Variants in ICAM3 observed in about 807,000 individuals in gnomAD.
The protein encoded by ICAM3 is intercellular adhesion molecule 3, also known as ICAM-3.
Under a neutral mutation model 43.6 loss-of-function variants are expected in ICAM3, and 54 were observed. The observed-to-expected ratio is 1.24, with a 90% CI of 0.99 to 1.55. The LOEUF (loss-of-function observed/expected upper bound fraction) is 1.55. Among genes scored for constraint, ICAM3 ranks in the 40% most tolerant of loss-of-function variants. The probability of loss-of-function intolerance (pLI) is 0.00; values close to 1 mark genes in which losing one functional copy is unlikely to be tolerated. For missense variants in ICAM3, 715 were observed against 717.9 expected (o/e 1.00, Z 0.05); for synonymous variants, 306 against 312.6 (o/e 0.98, Z 0.22).
Position 10,334,972 on chromosome 19 carries a change from G to C in ICAM3, c.937+94C>G, listed in dbSNP as rs1175271255. The C allele has an allele frequency of 1.1e-5, 17 of 1,516,372 alleles. No individual in the cohort carries two copies. The highest frequency in any genetic ancestry group is 1.2e-5 in the Non-Finnish European group (14 of 1,123,546). 93.9% of individuals were successfully genotyped at this position (1,516,372 alleles called of 1,614,324 possible). A position where few individuals can be genotyped will look rare whatever the true frequency, so the allele number is the denominator to read the frequency against. On this transcript the variant is annotated intron_variant, in intron 4 of 6. Coordinates refer to ENST00000160262, the MANE Select transcript of ICAM3 (RefSeq NM_002162.5). This position sits in a 1 kb window ranked among gnomAD's most constrained non-coding sequence, Gnocchi z 5.5. ...AACCCACGTTGCAACTGCTATTGGG[G>C]CAAGCCAGGCCCCACCTTTTCGGCT...
Position 10,335,327 on chromosome 19 carries a change from C to T in ICAM3, c.676G>A (p.Val226Met), listed in dbSNP as rs759958203. ...FVLPVTPPRL[V>M]APRFLEVETS... ...TCCACCTCCAAGAACCGGGGGGCCA[C>T]GAGGCGCGGGGGGGTCACGGGCAGG... The change falls in exon 4 of 7, where the codon GTG (valine) becomes ATG (methionine). Residue 226 changes from valine to methionine, a missense_variant. Transcript: ENST00000160262. The T allele has an allele frequency of 6.2e-6, 10 of 1,610,402 alleles. No homozygotes were observed. Among genetic ancestry groups the T allele is most frequent in the Non-Finnish European group, 8.5e-6 (10 of 1,179,558 alleles).
At chr19:10,336,078 G>A (rs978040550) in intron 2 of ICAM3, 102 bp from the exon 3 acceptor site, 5 of 1,092,974 alleles carry the variant, frequency 4.6e-6, no homozygotes, top group Non-Finnish European at 6.4e-6. Context: ...AGAACTGTGA[G>A]CTTTGAGTTA....
intron 2 of ICAM3, among the ~76,000 whole-genome samples, chr19:10,338,171 A>C (rs2145102881): frequency 6.6e-6 from 1 of 151,598 alleles, no homozygotes; most frequent in South Asian, 2.1e-4. Context: ...TGGGAGGCTG[A>C]GGTGGGCGGA....
intron 3 of ICAM3, 122 bp from the exon 4 acceptor site, chr19:10,335,475 G>A (rs1162908887): frequency 8.8e-7 from 1 of 1,138,058 alleles, no homozygotes; most frequent in Non-Finnish European, 1.2e-6. Context: ...CACACACACA[G>A]GGCCATGAAA....
rs2145092270 is a variant in ICAM3, at chr19:10,334,197, T to A, written c.1404A>T (p.Arg468=). The A allele has an allele frequency of 1.2e-6, 2 of 1,613,890 alleles. No individual in the cohort carries two copies. Among genetic ancestry groups the A allele is most frequent in the East Asian group, 4.5e-5 (2 of 44,868 alleles). ...GTYQCQASSS[R]GKYTLVVVMD... is the part of the protein sequence containing the mutation. ...TCACCACGACCAGGGTGTATTTGCC[T>A]CGTGAGCTGGACGCTTGGCACTGAT... The change falls in exon 6 of 7, where the codon CGA becomes CGT. Residue 468 remains arginine (R), a synonymous_variant. Coordinates refer to ENST00000160262, the MANE Select transcript of ICAM3 (RefSeq NM_002162.5). This position sits in a 1 kb window ranked among gnomAD's most constrained non-coding sequence, Gnocchi z 5.5.
At chr19:10,335,383 C>T in intron 3 of ICAM3, 30 bp from the exon 4 acceptor site, 2 of 1,544,552 alleles carry the variant, frequency 1.3e-6, no homozygotes, top group Non-Finnish European at 1.7e-6. Flanking sequence ...TAGTACAACC[C>T]CCAGGACTGT....
rs555338933 is a variant in ICAM3 at position 10,335,816 on chromosome 19, C to A, written c.504G>T (p.Glu168Asp). The A allele has an allele frequency of 5.0e-6, 8 of 1,612,564 alleles. 1 individual carries two copies. The South Asian group carries it at 8.8e-5, about 18-fold the overall frequency. The change falls in exon 3 of 7, where the codon GAG becomes GAT. Residue 168 changes from glutamate to aspartate, a missense_variant. Glu to Asp is a conservative substitution (Grantham distance 45). Transcript: ENST00000160262. ...EEELSRQPAV[E>D]EPAEVTATVL... is the part of the protein sequence containing the mutation. ...CAGTGGCAGTGACCTCCGCTGGCTC[C>A]TCCACTGCGGGCTGCCGGCTCAGCT...
chr19:10,333,951 C>T lies in ICAM3; in HGVS notation c.1550G>A (p.Gly517Asp), dbSNP rs1473340387. The change falls in exon 7 of 7, where the codon GGC (glycine) becomes GAC (aspartate). Residue 517 changes from glycine (G) to aspartate (D), a missense_variant. Coordinates refer to ENST00000160262, the MANE Select transcript of ICAM3 (RefSeq NM_002162.5). The surrounding 1 kb of genome is among the most constrained non-coding windows in gnomAD (Gnocchi z 4.2). ...GCTCTCCTCCCTAACATGGTAACTG[C>T]CGCTCCGTTGGTGCTCCCTGAAGAC... ...MYVFREHQRS[G>D]SYHVREESTY... 6 of 1,614,058 alleles carry T rather than the reference C, an allele frequency of 3.7e-6. No homozygotes were observed. In the South Asian group the frequency reaches 5.5e-5, roughly 15 times the overall value.
rs1368302298 is a variant in ICAM3 at position 10,338,801 on chromosome 19, GCCA to G, written c.221_223del (p.Val74del). 14 of 1,614,060 alleles carry G rather than the reference GCCA, an allele frequency of 8.7e-6. No homozygotes were observed. In the South Asian group the frequency reaches 1.4e-4, roughly 16 times the overall value. On this transcript the variant is annotated inframe_deletion, in exon 2 of 7. Coordinates refer to ENST00000160262, the MANE Select transcript of ICAM3 (RefSeq NM_002162.5). ...GAAGGCTGCCCAGCCCATGCCACTG[GCCA>G]CCAGCTCCTTTGATAGGGACGTCTC... is the stretch of plus-strand genomic sequence containing the variant.
intron 2 of ICAM3, 73 bp downstream of exon 2, chr19:10,338,609 C>T: frequency 6.9e-7 from 1 of 1,453,996 alleles, no homozygotes; most frequent in East Asian, 2.3e-5. Flanking sequence ...AGGGTCCCCA[C>T]TCTCCTGAGC....
intron 2 of ICAM3, among the ~76,000 whole-genome samples, chr19:10,336,966 C>T (rs746270057): frequency 3.3e-5 from 5 of 150,308 alleles, no homozygotes; most frequent in South Asian, 2.1e-4. Context: ...AAAAATTAGC[C>T]GGGCATGGTG....
chr19:10,337,341 C>T lies in ICAM3; in HGVS notation c.343+1341G>A, dbSNP rs899775239. Among the ~76,000 whole-genome samples, 76 of 134,274 alleles carry T rather than the reference C, an allele frequency of 5.7e-4. 1 individual carries two copies. Among genetic ancestry groups the T allele is most frequent in the African/African-American group, 1.9e-3 (70 of 37,230 alleles). 88.1% of individuals were successfully genotyped at this position (134,274 alleles called of 152,430 possible). ...CTGAGGCAGGAGAATCGCTTGAACC[C>T]GGAAGGCAGAGGTTGCAGTGAGCCA... On this transcript the variant is annotated intron_variant, in intron 2 of 6. Coordinates refer to ENST00000160262, the MANE Select transcript of ICAM3 (RefSeq NM_002162.5).
chr19:10,339,101 C>T (rs749115129), intron 1 of ICAM3, 153 bp from the exon 2 acceptor site: 42 of 797,844 alleles, frequency 5.3e-5, no homozygotes, highest in African/African-American at 3.5e-4. Flanking sequence ...CATCAGAGAC[C>T]GGGGAGAACT....
In ICAM3 at chr19:10,334,340, G is replaced by A. The variant is rs765308514; in HGVS notation, c.1261C>T (p.Leu421=). ...LKWKDKTRHV[L]QCQARGNPYP... ...GGGTTGCCCCTGGCTTGGCACTGCA[G>A]GACGTGTCTCGTTTTATCTTTCCAT... The change falls in exon 6 of 7, where the codon CTG becomes TTG. Residue 421 remains leucine, a synonymous_variant. Coordinates refer to ENST00000160262, the MANE Select transcript of ICAM3 (RefSeq NM_002162.5). The surrounding 1 kb of genome is among the most constrained non-coding windows in gnomAD (Gnocchi z 5.5). 2.0e-5 allele frequency: 33 copies of A among 1,614,080 alleles called. No individual in the cohort carries two copies. Among genetic ancestry groups the A allele is most frequent in the African/African-American group, 5.3e-5 (4 of 74,920 alleles).
At position 10,334,503 on chromosome 19, in the gene ICAM3, T is replaced by C. The variant is rs764529434; in HGVS notation, c.1192+25A>G. On this transcript the variant is annotated intron_variant, in intron 5 of 6. Transcript: ENST00000160262. This position sits in a 1 kb window ranked among gnomAD's most constrained non-coding sequence, Gnocchi z 5.5. ...TCTTTCCAGGGCAGGGGTGGAGGGATTAAAGGTCAGGGTGACCGACTCACA... is the reference window on the plus strand; with the variant it reads ...TCTTTCCAGGGCAGGGGTGGAGGGACTAAAGGTCAGGGTGACCGACTCACA... 3 of 1,602,482 alleles carry C rather than the reference T, an allele frequency of 1.9e-6. No homozygotes were observed. The highest frequency in any genetic ancestry group is 4.5e-5 in the East Asian group (2 of 44,740).
Position 10,334,301 on chromosome 19 carries a change from G to A in ICAM3, c.1300C>T (p.Arg434Trp), listed in dbSNP as rs1182699544. 3.1e-5 allele frequency: 50 copies of A among 1,614,050 alleles called. No homozygotes were observed. Among genetic ancestry groups the A allele is most frequent in the Non-Finnish European group, 3.9e-5 (46 of 1,180,034 alleles). ...CGGCTGGAGCCTTCCTTCAAACACC[G>A]CAGCTCGGGGTACGGGTTGCCCCTG... ...QARGNPYPEL[R>W]CLKEGSSREV... Residue 434 changes from arginine to tryptophan, a missense_variant, in exon 6 of 7, where the codon CGG becomes TGG. Transcript: ENST00000160262. This position sits in a 1 kb window ranked among gnomAD's most constrained non-coding sequence, Gnocchi z 5.5.
Position 10,339,197 on chromosome 19 carries a change from C to T in ICAM3, c.77-249G>A, listed in dbSNP as rs761300507. The T allele has an allele frequency of 2.1e-4, 122 of 588,678 alleles. 2 individuals are homozygous for T. The highest frequency in any genetic ancestry group is 2.5e-4 in the South Asian group (12 of 47,790). 36.5% of individuals were successfully genotyped at this position (588,678 alleles called of 1,614,324 possible). A position where few individuals can be genotyped will look rare whatever the true frequency, so the allele number is the denominator to read the frequency against. On this transcript the variant is annotated intron_variant, in intron 1 of 6. Transcript: ENST00000160262. ...CCTGGAAGCGGGGACCATTGCAGCC[C>T]GAAACTGAAGGCTAAGTAGGAGTTA...
chr19:10,335,418 C>T lies in ICAM3; in HGVS notation c.650-65G>A. 1.4e-6 allele frequency: 2 copies of T among 1,418,188 alleles called. 1 individual carries two copies. Among genetic ancestry groups the T allele is most frequent in the South Asian group, 2.7e-5 (2 of 75,112 alleles). The allele number at this position is 1,418,188 out of a possible 1,614,324, so 87.9% of individuals were successfully genotyped here. ...TGCCTTCCCCAGGACACCCTCATCC[C>T]CCCCAGTCAGGATATCTTGCTGACT... is the stretch of plus-strand genomic sequence containing the variant. On this transcript the variant is annotated intron_variant, in intron 3 of 6. Transcript: ENST00000160262.
At chr19:10,339,043 G>T in intron 1 of ICAM3, 95 bp from the exon 2 acceptor site, 1 of 1,332,902 alleles carries the variant, frequency 7.5e-7, no homozygotes, top group Non-Finnish European at 1.0e-6. Flanking sequence ...TCCTTGTGCC[G>T]AGACAGAAGG....
Sources: allele counts gnomAD v4.1 joint callset (sites outside exome capture counted in the v4.1 genomes callset), GRCh38; gene constraint gnomAD v4.1.1; non-coding constraint Gnocchi (gnomAD v3.1); transcripts MANE v1.5; gene names NCBI Gene and HGNC (gene_info 2026-07-23, HGNC 2026-07-21).